Variants in SLC30A7 observed in about 807,000 individuals in gnomAD.
The protein encoded by SLC30A7 is solute carrier family 30 member 7.
SLC30A7 carries 35 observed loss-of-function variants against 46.0 expected under a neutral mutation model. The ratio of observed to expected loss-of-function variants is 0.76; its 90% CI spans 0.58 to 1.01. The LOEUF (loss-of-function observed/expected upper bound fraction) is 1.01, where lower values mean the gene tolerates loss of function less well. Ranked by LOEUF, SLC30A7 falls within the 50% of genes least tolerant of loss-of-function variation. SLC30A7 has a pLI of 0.00. For synonymous variants in SLC30A7, 147 were observed against 157.8 expected, an observed-to-expected ratio of 0.93 and a Z score of 0.51; for missense variants, 464 against 451.1, an observed-to-expected ratio of 1.03 and a Z score of -0.26.
At chr1:100,909,560 A>G (rs888093924) in intron 3 of SLC30A7, among the ~76,000 whole-genome samples, 1 of 152,144 alleles carries the variant, frequency 6.6e-6, no homozygotes, top group African/African-American at 2.4e-5. Context: ...TCTAATTCTA[A>G]GACCTACTCA....
chr1:100,961,981 T>A, intron 9 of SLC30A7, 63 bp downstream of exon 9: 1 of 1,026,578 alleles, frequency 9.7e-7, no homozygotes, highest in Non-Finnish European at 1.5e-6. Context: ...GATTTTCAGC[T>A]TTCACAAATA....
At chr1:100,974,357 A>C (rs1044982882) in intron 10 of SLC30A7, among the ~76,000 whole-genome samples, 1 of 152,224 alleles carries the variant, frequency 6.6e-6, no homozygotes, top group African/African-American at 2.4e-5. Context: ...AGTATCCTTG[A>C]GTAGCAAGTT....
rs1414927072 is a variant in SLC30A7 at position 100,977,777 on chromosome 1, G to A, written c.*2920G>A. 6.6e-6 allele frequency: 1 copy of A among 152,090 alleles called. No individual in the cohort carries two copies. The highest frequency in any genetic ancestry group is 2.4e-5 in the African/African-American group (1 of 41,392). The allele number at this position is 152,090 out of a possible 1,614,324, so 9.4% of individuals were successfully genotyped here. A position where few individuals can be genotyped will look rare whatever the true frequency, so the allele number is the denominator to read the frequency against. ...TTTTTTTGTTTGTTTGTATTAGATGGAATTTCACTCTTGTCGCCCAGGCTG... is the reference window on the plus strand; with the variant it reads ...TTTTTTTGTTTGTTTGTATTAGATGAAATTTCACTCTTGTCGCCCAGGCTG... On this transcript the variant is annotated 3_prime_UTR_variant, in exon 11 of 11. Coordinates refer to ENST00000357650, the MANE Select transcript of SLC30A7 (RefSeq NM_133496.5).
At chr1:100,925,205 A>G (rs896932570) in intron 8 of SLC30A7, among the ~76,000 whole-genome samples, 1 of 152,228 alleles carries the variant, frequency 6.6e-6, no homozygotes, top group Admixed American at 6.5e-5. Context: ...AGTTGGTAGA[A>G]AAGCCTTGTG....
intron 8 of SLC30A7, among the ~76,000 whole-genome samples, chr1:100,953,957 G>T (rs1484324798): frequency 2.6e-5 from 4 of 152,226 alleles, no homozygotes; most frequent in Admixed American, 6.5e-5. Context: ...TTTATTAGAG[G>T]TTCTTTTTTA....
chr1:100,979,453 A>AAAAAAG lies in SLC30A7; in HGVS notation c.*4601_*4606dup, dbSNP rs1313634578. On this transcript the variant is annotated 3_prime_UTR_variant, in exon 11 of 11. Coordinates refer to ENST00000357650, the MANE Select transcript of SLC30A7 (RefSeq NM_133496.5). The stretch of plus-strand genomic sequence containing the variant: ...TATGTATCCAAAAAAAAAAAAAAAA[A>AAAAAAG]AAAAAGAAAAGGAGCAGGGAAGGAC... 1.3e-5 allele frequency: 2 copies of AAAAAAG among 150,510 alleles called. No homozygotes were observed. 9.3% of individuals were successfully genotyped at this position (150,510 alleles called of 1,614,324 possible).
rs1353556283 is a variant in SLC30A7 at position 100,974,912 on chromosome 1, G to A, written c.*55G>A. On this transcript the variant is annotated 3_prime_UTR_variant, in exon 11 of 11. Coordinates refer to ENST00000357650, the MANE Select transcript of SLC30A7 (RefSeq NM_133496.5). ...GGACCAAATTTTTCTGGTACTGTAC[G>A]ATCCAAAACATTGTACCCAGCTTTT... 18 of 1,400,458 alleles carry A rather than the reference G, an allele frequency of 1.3e-5. No individual in the cohort carries two copies. Among genetic ancestry groups the A allele is most frequent in the Non-Finnish European group, 1.6e-5 (16 of 1,012,370 alleles). The allele number at this position is 1,400,458 out of a possible 1,614,324, so 86.8% of individuals were successfully genotyped here. A position where few individuals can be genotyped will look rare whatever the true frequency, so the allele number is the denominator to read the frequency against.
At chr1:100,906,432 C>G (rs1216414973) in intron 2 of SLC30A7, among the ~76,000 whole-genome samples, 2 of 152,116 alleles carry the variant, frequency 1.3e-5, no homozygotes, top group African/African-American at 4.8e-5. Context: ...AGCCTGGTAT[C>G]AAAAGGGTGG....
chr1:100,941,156 C>A, intron 8 of SLC30A7: 2 of 352,074 alleles, frequency 5.7e-6, no homozygotes, highest in South Asian at 2.7e-5. Context: ...TTCATGGGTT[C>A]AGAATTTGAA....
intron 8 of SLC30A7, among the ~76,000 whole-genome samples, chr1:100,932,513 GTATAA>G (rs1417647953): frequency 1.3e-5 from 2 of 152,224 alleles, no homozygotes; most frequent in African/African-American, 2.4e-5. Context: ...AATGTGAGTG[GTATAA>G]TATAACTAGA....
chr1:100,969,953 T>C (rs1656068069), intron 10 of SLC30A7, among the ~76,000 whole-genome samples: 1 of 152,192 alleles, frequency 6.6e-6, no homozygotes, highest in African/African-American at 2.4e-5. Context: ...GCAATTAGTA[T>C]ATGCCAAGGC....
intron 8 of SLC30A7, among the ~76,000 whole-genome samples, chr1:100,942,512 G>T (rs1025962302): frequency 3.3e-5 from 5 of 152,240 alleles, no homozygotes; most frequent in Admixed American, 2.0e-4. Flanking sequence ...AATGTGTGGG[G>T]TTTTTTCCCC....
chr1:100,937,018 A>C (rs1654005204), intron 8 of SLC30A7, among the ~76,000 whole-genome samples: 1 of 151,928 alleles, frequency 6.6e-6, no homozygotes, highest in African/African-American at 2.4e-5. Flanking sequence ...ATACACATAG[A>C]TTATCTGTAT....
rs886749893 is a variant in SLC30A7, at chr1:100,976,056, G to A, written c.*1199G>A. ...TTATCACATTTTAAATTACTTTGTG[G>A]ACTGTGTTTTCAAAACTTTGCAAAT... On this transcript the variant is annotated 3_prime_UTR_variant, in exon 11 of 11. Transcript: ENST00000357650. The A allele has an allele frequency of 6.6e-6, 1 of 152,310 alleles. No individual in the cohort carries two copies. The highest frequency in any genetic ancestry group is 2.4e-5 in the African/African-American group (1 of 41,312). The allele number at this position is 152,310 out of a possible 1,614,324, so 9.4% of individuals were successfully genotyped here.
intron 8 of SLC30A7, among the ~76,000 whole-genome samples, chr1:100,940,138 G>T (rs991325373): frequency 6.6e-6 from 1 of 152,014 alleles, no homozygotes; most frequent in Non-Finnish European, 1.5e-5. Context: ...ATATATAGTG[G>T]CTTACTAATG....
At chr1:100,924,302 G>A (rs1653141392) in intron 8 of SLC30A7, among the ~76,000 whole-genome samples, 1 of 152,120 alleles carries the variant, frequency 6.6e-6, no homozygotes, top group South Asian at 2.1e-4. Context: ...CAGTAAGTTA[G>A]TTTTAGTTCC....
At chr1:100,954,810 A>C (rs1270371409) in intron 8 of SLC30A7, among the ~76,000 whole-genome samples, 3 of 152,120 alleles carry the variant, frequency 2.0e-5, no homozygotes, top group African/African-American at 7.2e-5. Flanking sequence ...AATTATATTT[A>C]TGCAAATGTG....
At chr1:100,962,767 C>G (rs1400750398) in intron 9 of SLC30A7, among the ~76,000 whole-genome samples, 3 of 152,164 alleles carry the variant, frequency 2.0e-5, no homozygotes, top group African/African-American at 7.2e-5. Flanking sequence ...ATGAAGAGAA[C>G]ATATTCTAGC....
At position 100,913,777 on chromosome 1, in the gene SLC30A7, C is replaced by G; in HGVS notation, c.626C>G (p.Ala209Gly). Residue 209 changes from alanine to glycine, a missense_variant, in exon 6 of 11, where the codon GCT (alanine) becomes GGT (glycine). Transcript: ENST00000357650. ...KHGAAHSHDH[A>G]HGHGHFHSHD... Reference sequence around the variant, plus strand: ...GGTGCTGCACATAGCCATGATCATGCTCATGGACATGGACACTTTCATTCT... The same window carrying G: ...GGTGCTGCACATAGCCATGATCATGGTCATGGACATGGACACTTTCATTCT... The G allele has an allele frequency of 6.2e-7, 1 of 1,609,884 alleles. No individual in the cohort carries two copies. The highest frequency in any genetic ancestry group is 8.5e-7 in the Non-Finnish European group (1 of 1,176,138).
Sources: gnomAD v4.1 joint callset for allele counts (sites outside exome capture counted in the v4.1 genomes callset) on GRCh38, gnomAD v4.1.1 for gene constraint, MANE v1.5 for transcripts, NCBI Gene and HGNC (gene_info 2026-07-23, HGNC 2026-07-21) for gene names.